The following ADGB variants were observed in gnomAD, a reference collection of about 807,000 sequenced individuals.
ADGB encodes the protein calpain-7-like protein.
In ADGB, 172 loss-of-function variants were observed where a neutral mutation model predicts 210.5. That is an observed-to-expected ratio of 0.82 (90% confidence interval 0.72 to 0.93). The LOEUF is 0.93. Among genes scored for constraint, ADGB ranks in the 40% least tolerant of loss-of-function variants. ADGB has a pLI of 0.00. For missense variants in ADGB, 2,025 were observed against 1,964.8 expected (o/e 1.03, Z -0.58); for synonymous variants, 658 against 662.7 (o/e 0.99, Z 0.11).
At position 146,815,033 on chromosome 6, in the gene ADGB, A is replaced by T. The variant is rs755703458; in HGVS notation, c.4820A>T (p.Asp1607Val). ...GTTTGGGGTTTTGCTTTGGAACAGGACTCCTTAGATGAAGCCCGACAGAAA... is the reference window on the plus strand; with the variant it reads ...GTTTGGGGTTTTGCTTTGGAACAGGTCTCCTTAGATGAAGCCCGACAGAAA... ...EVLDMYKEMQ[D>V]SLDEARQKIF... Residue 1607 changes from aspartate to valine, a missense_variant and splice_region_variant, in exon 36 of 36, where the codon GAC becomes GTC. By Grantham distance (152) the Asp-to-Val change is radical. Coordinates refer to ENST00000397944, the MANE Select transcript of ADGB (RefSeq NM_024694.4). The T allele has an allele frequency of 8.5e-6, 13 of 1,537,198 alleles. No individual in the cohort carries two copies. The African/African-American group carries it at 1.5e-4, about 18-fold the overall frequency.
intron 1 of ADGB, among the ~76,000 whole-genome samples, chr6:146,600,524 A>C (rs1350594826): frequency 6.6e-6 from 1 of 152,088 alleles, no homozygotes; most frequent in Non-Finnish European, 1.5e-5. Flanking sequence ...CCCTTCCTTC[A>C]GGAGTTTACC....
chr6:146,652,717 A>G (rs138822334), intron 3 of ADGB, among the ~76,000 whole-genome samples: 1 of 152,174 alleles, frequency 6.6e-6, no homozygotes, highest in East Asian at 1.9e-4. Flanking sequence ...ACAAGATTTT[A>G]AAAAGCTATC....
Position 146,763,899 on chromosome 6 carries a change from A to C in ADGB, c.3551-2A>C. ...CTTTAACTTAGTATTTCTCCTATTC[A>C]GCTAGCAAGCACATTCTTTCATTTC... On this transcript the variant is annotated splice_acceptor_variant, in intron 27 of 35. Coordinates refer to ENST00000397944, the MANE Select transcript of ADGB (RefSeq NM_024694.4). LOFTEE classifies it high-confidence loss of function. The C allele has an allele frequency of 6.5e-7, 1 of 1,549,234 alleles. No homozygotes were observed. The highest frequency in any genetic ancestry group is 8.7e-7 in the Non-Finnish European group (1 of 1,145,872).
rs1161425043 is a variant in ADGB at position 146,721,428 on chromosome 6, A to C, written c.2018A>C (p.Tyr673Ser). ...TTCTCAGAAGAACGAGTGTCCTACT[A>C]TCTATTTGTAGATAGTCTAAAACCT... is the stretch of plus-strand genomic sequence containing the variant. ...FKFSEERVSY[Y>S]LFVDSLKPIE... Residue 673 changes from tyrosine (Y) to serine (S), a missense_variant, in exon 17 of 36, where the codon TAT becomes TCT. Transcript: ENST00000397944. 6.4e-7 allele frequency: 1 copy of C among 1,550,434 alleles called. No homozygotes were observed.
intron 33 of ADGB, among the ~76,000 whole-genome samples, chr6:146,798,699 G>C (rs1267702620): frequency 6.7e-6 from 1 of 150,346 alleles, no homozygotes; most frequent in Non-Finnish European, 1.5e-5. Context: ...CTGTGAATAA[G>C]TGAGTTTGGC....
chr6:146,781,214 G>A (rs1777795278), intron 29 of ADGB, among the ~76,000 whole-genome samples: 2 of 150,626 alleles, frequency 1.3e-5, no homozygotes, highest in South Asian at 4.2e-4. Flanking sequence ...GTGGTGGCGG[G>A]CACCTGTAGT....
intron 1 of ADGB, among the ~76,000 whole-genome samples, chr6:146,621,779 A>G (rs1780899443): frequency 6.6e-6 from 1 of 152,122 alleles, no homozygotes; most frequent in Non-Finnish European, 1.5e-5. Flanking sequence ...TTGAATGGAT[A>G]TTCCATGATT....
At chr6:146,736,733 A>G (rs1777084925) in intron 23 of ADGB, 142 bp downstream of exon 23, 1 of 493,404 alleles carries the variant, frequency 2.0e-6, no homozygotes. Flanking sequence ...ACAATATTTT[A>G]TCTGAAACAT....
At chr6:146,624,735 A>G (rs1253469368) in intron 1 of ADGB, among the ~76,000 whole-genome samples, 1 of 151,760 alleles carries the variant, frequency 6.6e-6, no homozygotes, top group Non-Finnish European at 1.5e-5. Context: ...ATTTCACCCT[A>G]TGTTACTGTA....
intron 28 of ADGB, among the ~76,000 whole-genome samples, chr6:146,766,893 A>T (rs1777584834): frequency 6.6e-6 from 1 of 152,172 alleles, no homozygotes; most frequent in South Asian, 2.1e-4. Flanking sequence ...TCTTCTCAGA[A>T]ATTCAGAAAT....
intron 28 of ADGB, among the ~76,000 whole-genome samples, chr6:146,766,175 C>G (rs1562295887): frequency 2.6e-5 from 4 of 151,408 alleles, no homozygotes; most frequent in Admixed American, 6.6e-5. Context: ...ATAATTCCAG[C>G]ACTTTGGGAG....
chr6:146,717,375 T>A (rs1383905989), intron 15 of ADGB, among the ~76,000 whole-genome samples, 161 bp from the exon 16 acceptor site: 1 of 152,230 alleles, frequency 6.6e-6, no homozygotes, highest in East Asian at 1.9e-4. Flanking sequence ...TGAAGAAATC[T>A]TATTCACTAG....
intron 2 of ADGB, among the ~76,000 whole-genome samples, chr6:146,636,915 G>A (rs924378583): frequency 1.3e-5 from 2 of 152,032 alleles, no homozygotes; most frequent in Admixed American, 1.3e-4. Context: ...CATGAGGCTA[G>A]TCATCAGGAA....
intron 1 of ADGB, 145 bp downstream of exon 1, chr6:146,599,259 T>A (rs1583553419): frequency 1.4e-6 from 1 of 732,452 alleles, no homozygotes; most frequent in Non-Finnish European, 2.4e-6. Context: ...GTAAACCAGA[T>A]CCTGGAGGTG....
At chr6:146,661,297 T>C (rs1336817368) in intron 5 of ADGB, among the ~76,000 whole-genome samples, 1 of 146,094 alleles carries the variant, frequency 6.8e-6, no homozygotes, top group African/African-American at 2.5e-5. Context: ...TATAGCTCAC[T>C]GCAGCCTCCA....
intron 30 of ADGB, among the ~76,000 whole-genome samples, chr6:146,782,688 G>C (rs1252369047): frequency 6.6e-6 from 1 of 152,098 alleles, no homozygotes; most frequent in Admixed American, 6.5e-5. Flanking sequence ...GGGTCAGTAA[G>C]GGTCAGCTGG....
At chr6:146,683,342 A>G (rs1212576513) in intron 9 of ADGB, among the ~76,000 whole-genome samples, 1 of 152,140 alleles carries the variant, frequency 6.6e-6, no homozygotes, top group East Asian at 1.9e-4. Context: ...TATAAGATGT[A>G]TAAAACTTAG....
Position 146,741,160 on chromosome 6 carries a change from A to T in ADGB, c.3066A>T (p.Lys1022Asn). Reference protein sequence around the residue: ...LVHQDMILVPKVYTTLPICIL... With the variant: ...LVHQDMILVPNVYTTLPICIL... Reference sequence around the variant, plus strand: ...ATCAAGACATGATTTTGGTTCCCAAAGTATATACTACACTTCCAATCTGTA... The same window carrying T: ...ATCAAGACATGATTTTGGTTCCCAATGTATATACTACACTTCCAATCTGTA... Residue 1022 changes from lysine (K) to asparagine (N), a missense_variant, in exon 25 of 36, where the codon AAA becomes AAT. Lys to Asn is a moderately conservative substitution (Grantham distance 94). Coordinates refer to ENST00000397944, the MANE Select transcript of ADGB (RefSeq NM_024694.4). 6.5e-7 allele frequency: 1 copy of T among 1,538,466 alleles called. No individual in the cohort carries two copies. The highest frequency in any genetic ancestry group is 1.2e-5 in the South Asian group (1 of 81,166).
chr6:146,628,613 A>G (rs1162922446), intron 1 of ADGB, among the ~76,000 whole-genome samples: 3 of 151,886 alleles, frequency 2.0e-5, no homozygotes, highest in Non-Finnish European at 4.4e-5. Context: ...AACAGCTTAT[A>G]GATCTCTGCA....
Sources: allele counts gnomAD v4.1 joint callset (sites outside exome capture counted in the v4.1 genomes callset), GRCh38; gene constraint gnomAD v4.1.1; transcripts MANE v1.5; gene names NCBI Gene and HGNC (gene_info 2026-07-23, HGNC 2026-07-21).